SKP2: variants seen among roughly 807,000 people sequenced by gnomAD.
SKP2 encodes S-phase kinase-associated protein 2.
Under a neutral mutation model 51.8 loss-of-function variants are expected in SKP2, and 16 were observed. That is an observed-to-expected ratio of 0.31 (90% CI 0.21 to 0.47). The LOEUF is 0.47. SKP2 is among the 20% of genes least tolerant of loss of function. The pLI is 1.00. For synonymous variants in SKP2, 176 were observed against 198.6 expected, an observed-to-expected ratio of 0.89 and a Z score of 0.96; for missense variants, 377 against 505.3, an observed-to-expected ratio of 0.75 and a Z score of 2.43.
rs569705909 is a variant in SKP2 at position 36,190,346 on chromosome 5, C to T, written c.633-2275C>T. ...GCTGTAGACTGGAGCTGTTCCTATT[C>T]GGCCATCTTGGAACCACCTCACCAG... On this transcript the variant is annotated intron_variant, in intron 6 of 7. Transcript: ENST00000677886. Among the ~76,000 whole-genome samples the T allele has an allele frequency of 5.9e-5, 9 of 152,118 alleles. No homozygotes were observed. The South Asian group carries it at 1.5e-3, about 25-fold the overall frequency.
rs540897016 is a variant in SKP2, at chr5:36,159,459, A to G, written c.281-4186A>G. The stretch of plus-strand genomic sequence containing the variant: ...CAGCCATAATTTCTGTTGGTGCCCT[A>G]TCTATAGCCCCTTGAAGCCCCCCAT... On this transcript the variant is annotated intron_variant, in intron 2 of 9. Coordinates refer to ENST00000274255, the MANE Select transcript of SKP2 (RefSeq NM_005983.4). Among the ~76,000 whole-genome samples the G allele has an allele frequency of 6.6e-5, 10 of 152,150 alleles. No individual in the cohort carries two copies. In the South Asian group the frequency reaches 1.2e-3, roughly 19 times the overall value.
chr5:36,170,266 C>T (rs1157230134), intron 5 of SKP2, 78 bp from the exon 6 acceptor site: 6 of 796,450 alleles, frequency 7.5e-6, no homozygotes, highest in East Asian at 2.5e-5. Context: ...TAACTACACT[C>T]GCCTGCTTTC....
At chr5:36,185,732 ACGGGCT>A (rs1339926999), downstream of SKP2, among the ~76,000 whole-genome samples, 1 of 152,126 alleles carries the variant, frequency 6.6e-6, no homozygotes, top group Non-Finnish European at 1.5e-5. Flanking sequence ...TCTTGGCAAT[ACGGGCT>A]CTTTTTTGGT....
chr5:36,180,166 C>A, intron 9 of SKP2: 2 of 626,554 alleles, frequency 3.2e-6, no homozygotes, highest in Non-Finnish European at 2.8e-6. Context: ...TAAATATTCT[C>A]CAGTGCAGAA....
chr5:36,192,428 A>G (rs995357910), intron 6 of SKP2, among the ~76,000 whole-genome samples: 1 of 152,206 alleles, frequency 6.6e-6, no homozygotes, highest in African/African-American at 2.4e-5. Context: ...GAATGAATTT[A>G]AGTGATTTAA....
Position 36,154,368 on chromosome 5 carries a change from G to A in SKP2, c.280+1326G>A, listed in dbSNP as rs535017513. ...ACGTATTTGTTCCAGGAACAGGGAA[G>A]CCATATTCTAAGAGTGGAATGAGCG... is the stretch of plus-strand genomic sequence containing the variant. On this transcript the variant is annotated intron_variant, in intron 2 of 9. Transcript: ENST00000274255. Among the ~76,000 whole-genome samples the A allele has an allele frequency of 2.5e-3, 382 of 152,226 alleles. 4 individuals are homozygous for A. The highest frequency in any genetic ancestry group is 8.7e-3 in the African/African-American group (363 of 41,550).
At chr5:36,162,629 C>T (rs141276321) in intron 2 of SKP2, among the ~76,000 whole-genome samples, 1 of 152,302 alleles carries the variant, frequency 6.6e-6, no homozygotes, top group African/African-American at 2.4e-5. Flanking sequence ...AAAATGATAC[C>T]TGGCACCATA....
At chr5:36,161,561 TAACA>T (rs1745122041) in intron 2 of SKP2, among the ~76,000 whole-genome samples, 1 of 152,234 alleles carries the variant, frequency 6.6e-6, no homozygotes, top group Non-Finnish European at 1.5e-5. Flanking sequence ...CATTTCTAGA[TAACA>T]AACCTAGGAA....
chr5:36,156,429 A>C (rs1405478074), intron 2 of SKP2, among the ~76,000 whole-genome samples: 1 of 152,166 alleles, frequency 6.6e-6, no homozygotes, highest in Non-Finnish European at 1.5e-5. Context: ...TTTGCTAAGC[A>C]GTTTCTCCCT....
intron 5 of SKP2, among the ~76,000 whole-genome samples, chr5:36,169,265 T>G (rs1200092046): frequency 6.6e-6 from 1 of 151,980 alleles, no homozygotes; most frequent in African/African-American, 2.4e-5. Flanking sequence ...GCCAACATGG[T>G]GAAATCCTGT....
chr5:36,153,727 C>G (rs909069694), intron 2 of SKP2, among the ~76,000 whole-genome samples: 6 of 152,178 alleles, frequency 3.9e-5, no homozygotes, highest in African/African-American at 1.4e-4. Context: ...CAACCTTCTT[C>G]TCCCCAGATC....
At chr5:36,174,563 A>G (rs2111995638) in intron 7 of SKP2, among the ~76,000 whole-genome samples, 1 of 152,250 alleles carries the variant, frequency 6.6e-6, no homozygotes, top group Admixed American at 6.5e-5. Flanking sequence ...AACAAAACAG[A>G]GCCTTGAACA....
Position 36,169,722 on chromosome 5 carries a change from C to A in SKP2, c.672-622C>A, listed in dbSNP as rs185803613. On this transcript the variant is annotated intron_variant, in intron 5 of 9. Coordinates refer to ENST00000274255, the MANE Select transcript of SKP2 (RefSeq NM_005983.4). ...TTTGTAAATGCATTTTCATTTAATT[C>A]TGACAGCAACCCTATGAAGTGTGAT... Among the ~76,000 whole-genome samples the A allele has an allele frequency of 3.4e-3, 522 of 152,264 alleles. 12 individuals are homozygous for A. The South Asian group carries it at 0.048, about 14-fold the overall frequency.
chr5:36,191,290 A>ATG (rs1746018357), intron 6 of SKP2, among the ~76,000 whole-genome samples: 1 of 152,108 alleles, frequency 6.6e-6, no homozygotes, highest in African/African-American at 2.4e-5. Context: ...GAGGCTAAGG[A>ATG]TGCTGCTAAC....
At chr5:36,188,248 A>T (rs61176414), downstream of SKP2, among the ~76,000 whole-genome samples, 325 of 152,284 alleles carry the variant, frequency 2.1e-3, 3 homozygotes, top group African/African-American at 7.7e-3. Flanking sequence ...TAATATTGTT[A>T]TTTGTGAATT....
At chr5:36,165,839 T>G (rs1253011626) in intron 3 of SKP2, among the ~76,000 whole-genome samples, 2 of 152,226 alleles carry the variant, frequency 1.3e-5, no homozygotes, top group Non-Finnish European at 2.9e-5. Flanking sequence ...CCTCTTACTG[T>G]GCTATTCAGT....
At chr5:36,184,321 TTACA>T (rs573388305), downstream of SKP2, 243 of 172,768 alleles carry the variant, frequency 1.4e-3, 1 homozygote, top group South Asian at 0.012. Flanking sequence ...TGCAGGTTTG[TTACA>T]TATGTATACA....
intron 7 of SKP2, among the ~76,000 whole-genome samples, chr5:36,174,286 G>A (rs1426572472): frequency 6.6e-6 from 1 of 152,088 alleles, no homozygotes; most frequent in East Asian, 1.9e-4. Context: ...AAATGAAGGG[G>A]ACAGTGAAAA....
At chr5:36,153,369 A>G (rs924764525) in intron 2 of SKP2, among the ~76,000 whole-genome samples, 1 of 152,106 alleles carries the variant, frequency 6.6e-6, no homozygotes, top group Non-Finnish European at 1.5e-5. Flanking sequence ...AGAAACATAA[A>G]CAGTGGTCTT....
Sources: gnomAD v4.1 joint callset for allele counts (sites outside exome capture counted in the v4.1 genomes callset) on GRCh38, gnomAD v4.1.1 for gene constraint, MANE v1.5 for transcripts, NCBI Gene and HGNC (gene_info 2026-07-23, HGNC 2026-07-21) for gene names.